CUL3: variants seen among roughly 807,000 people sequenced by gnomAD.
The protein encoded by CUL3 is cullin-3.
CUL3 carries 19 observed loss-of-function variants against 89.1 expected under a neutral mutation model. That is an observed-to-expected ratio of 0.21 (90% confidence interval 0.15 to 0.31). The LOEUF (loss-of-function observed/expected upper bound fraction) is 0.31, where lower values mean the gene tolerates loss of function less well. CUL3 is among the 10% of genes least tolerant of loss of function. The probability of loss-of-function intolerance (pLI) is 1.00; values close to 1 mark genes in which losing one functional copy is unlikely to be tolerated. For synonymous variants in CUL3, 351 were observed against 308.4 expected, an observed-to-expected ratio of 1.14 and a Z score of -1.45; for missense variants, 469 against 942.3, an observed-to-expected ratio of 0.50 and a Z score of 6.58.
At chr2:224,528,305 T>C (rs1397487048) in intron 3 of CUL3, among the ~76,000 whole-genome samples, 1 of 152,164 alleles carries the variant, frequency 6.6e-6, no homozygotes, top group African/African-American at 2.4e-5. Context: ...GCCTCCATTT[T>C]CAAAGTCCAT....
In CUL3 at chr2:224,565,335, C is replaced by G. The variant is rs932277655; in HGVS notation, c.67-7479G>C. 3.3e-5 allele frequency among the ~76,000 whole-genome samples: 5 copies of G among 152,132 alleles called. No individual in the cohort carries two copies. The South Asian group carries it at 6.2e-4, about 19-fold the overall frequency. On this transcript the variant is annotated intron_variant, in intron 1 of 15. Transcript: ENST00000264414. ...TCCCCATCCTTCTGGTCTTCACATTCAGTAGGCTGAGGTGTAGGAGGAAGA... is the reference window on the plus strand; with the variant it reads ...TCCCCATCCTTCTGGTCTTCACATTGAGTAGGCTGAGGTGTAGGAGGAAGA...
chr2:224,540,024 G>A (rs1694040189), intron 2 of CUL3, among the ~76,000 whole-genome samples: 1 of 150,426 alleles, frequency 6.6e-6, no homozygotes, highest in Non-Finnish European at 1.5e-5. Context: ...GGGCAGGGGT[G>A]TATTTGGGAA....
chr2:224,483,677 A>G (rs774260185), intron 13 of CUL3, among the ~76,000 whole-genome samples: 53 of 152,204 alleles, frequency 3.5e-4, no homozygotes, highest in Non-Finnish European at 1.2e-4. Flanking sequence ...AAATGAGACC[A>G]TAACATGAAT....
At position 224,524,152 on chromosome 2, in the gene CUL3, G is replaced by A. The variant is rs375526378; in HGVS notation, c.379-9380C>T. On this transcript the variant is annotated intron_variant, in intron 3 of 15. Transcript: ENST00000264414. Reference sequence around the variant, plus strand: ...AGAGTAACAAAGGCAACCTAGACTTGTAGGGCCAAGATTCCGGAGAAAAGG... The same window carrying A: ...AGAGTAACAAAGGCAACCTAGACTTATAGGGCCAAGATTCCGGAGAAAAGG... Among the ~76,000 whole-genome samples, 13 of 152,282 alleles carry A rather than the reference G, an allele frequency of 8.5e-5. 1 individual carries two copies. In the South Asian group the frequency reaches 2.7e-3, roughly 32 times the overall value.
At chr2:224,513,765 A>G in intron 4 of CUL3, 127 bp from the exon 5 acceptor site, 2 of 618,208 alleles carry the variant, frequency 3.2e-6, no homozygotes, top group Non-Finnish European at 2.8e-6. Flanking sequence ...CCAATCTCCA[A>G]TAGGCCACTC....
chr2:224,551,367 G>A (rs1464334164), intron 2 of CUL3, among the ~76,000 whole-genome samples: 3 of 151,996 alleles, frequency 2.0e-5, no homozygotes, highest in Non-Finnish European at 2.9e-5. Flanking sequence ...CACCACGTCC[G>A]GCTCATTTTT....
intron 3 of CUL3, among the ~76,000 whole-genome samples, chr2:224,515,036 A>G (rs1323605881): frequency 6.6e-6 from 1 of 152,180 alleles, no homozygotes; most frequent in East Asian, 1.9e-4. Context: ...AGCCAGGAAG[A>G]AAAAAACAGA....
chr2:224,520,425 T>C (rs1200206891), intron 3 of CUL3, among the ~76,000 whole-genome samples: 2 of 152,210 alleles, frequency 1.3e-5, no homozygotes, highest in African/African-American at 2.4e-5. Flanking sequence ...CCAACTTCAT[T>C]TGTAACATAA....
chr2:224,513,479 T>A (rs1330471082), intron 5 of CUL3, 45 bp downstream of exon 5: 2 of 1,235,338 alleles, frequency 1.6e-6, no homozygotes, highest in African/African-American at 3.1e-5. Flanking sequence ...TAAATAACAT[T>A]AAGAACATCT....
chr2:224,556,753 A>G (rs1694722359), intron 2 of CUL3, among the ~76,000 whole-genome samples: 1 of 152,156 alleles, frequency 6.6e-6, no homozygotes, highest in Non-Finnish European at 1.5e-5. Context: ...GAAATGTTGC[A>G]AAGTCTTTTG....
chr2:224,514,945 AAAGTT>A (rs1438203044), intron 3 of CUL3, among the ~76,000 whole-genome samples, 173 bp from the exon 4 acceptor site: 1 of 152,340 alleles, frequency 6.6e-6, no homozygotes, highest in South Asian at 2.1e-4. Context: ...CAAGTTATAT[AAAGTT>A]AAGTTTTTAC....
chr2:224,481,582 GACT>G (rs1161935563), intron 14 of CUL3, among the ~76,000 whole-genome samples: 1 of 151,908 alleles, frequency 6.6e-6, no homozygotes, highest in African/African-American at 2.4e-5. Context: ...GACTTCCACT[GACT>G]ATTAGTTAAC....
rs1469731917 is a variant in CUL3 at position 224,579,005 on chromosome 2, G to T, written c.66+5939C>A. ...TGTTTGAATCAAGTTTGTGATTTAT[G>T]TATTACTTAAAAAGCCAAATTTTTA... On this transcript the variant is annotated intron_variant, in intron 1 of 15. Transcript: ENST00000264414. Among the ~76,000 whole-genome samples the T allele has an allele frequency of 3.9e-5, 6 of 152,186 alleles. No individual in the cohort carries two copies. The East Asian group carries it at 1.2e-3, about 29-fold the overall frequency.
chr2:224,557,879 G>GGA, intron 1 of CUL3, 23 bp from the exon 2 acceptor site: 1 of 75,158 alleles, frequency 1.3e-5, no homozygotes, highest in Non-Finnish European at 2.2e-5. Context: ...AGAGAGAGAA[G>GGA]AGACAAAAAA....
chr2:224,575,290 T>C (rs1574708534), intron 1 of CUL3, among the ~76,000 whole-genome samples: 1 of 152,126 alleles, frequency 6.6e-6, no homozygotes, highest in African/African-American at 2.4e-5. Flanking sequence ...ACCAGGGACA[T>C]AAAGGAAACT....
In CUL3 at chr2:224,513,518, G is replaced by T. The variant is rs759477204; in HGVS notation, c.654+6C>A. ...AAGATTATTTATTTACATTTTCACG[G>T]ATTACCTGAAAAAATTCTGCAGACA... On this transcript the variant is annotated splice_donor_region_variant and intron_variant, in intron 5 of 15. Coordinates refer to ENST00000264414, the MANE Select transcript of CUL3 (RefSeq NM_003590.5). 1.4e-6 allele frequency: 2 copies of T among 1,447,194 alleles called. No individual in the cohort carries two copies. Among genetic ancestry groups the T allele is most frequent in the East Asian group, 2.3e-5 (1 of 43,854 alleles). 89.6% of individuals were successfully genotyped at this position (1,447,194 alleles called of 1,614,324 possible). A position where few individuals can be genotyped will look rare whatever the true frequency, so the allele number is the denominator to read the frequency against.
intron 3 of CUL3, among the ~76,000 whole-genome samples, chr2:224,523,260 CA>C (rs1188861726): frequency 6.6e-6 from 1 of 152,062 alleles, no homozygotes; most frequent in East Asian, 1.9e-4. Context: ...ACATCTACCT[CA>C]AAATGTTATT....
intron 2 of CUL3, among the ~76,000 whole-genome samples, chr2:224,536,804 T>A (rs1693916132): frequency 6.6e-6 from 1 of 152,218 alleles, no homozygotes; most frequent in Admixed American, 6.5e-5. Flanking sequence ...CTATGCTATC[T>A]GCCCAAAAGA....
chr2:224,506,766 G>C (rs1386652010), intron 7 of CUL3, 92 bp downstream of exon 7: 4 of 1,065,148 alleles, frequency 3.8e-6, no homozygotes, highest in Non-Finnish European at 5.3e-6. Flanking sequence ...TAAGTTGAAA[G>C]TACACAATAC....
Sources: gnomAD v4.1 joint callset for allele counts (sites outside exome capture counted in the v4.1 genomes callset) on GRCh38, gnomAD v4.1.1 for gene constraint, MANE v1.5 for transcripts, NCBI Gene and HGNC (gene_info 2026-07-23, HGNC 2026-07-21) for gene names.